ADGRL3: variants seen among roughly 807,000 people sequenced by gnomAD.
ADGRL3 encodes the protein adhesion G protein-coupled receptor L3, also known as calcium-independent alpha-latrotoxin receptor 3.
Under a neutral mutation model 153.5 loss-of-function variants are expected in ADGRL3, and 62 were observed. The ratio of observed to expected loss-of-function variants is 0.40; its 90% CI spans 0.33 to 0.50. ADGRL3 has a LOEUF of 0.50. ADGRL3 is among the 20% of genes least tolerant of loss of function. ADGRL3 has a pLI of 0.47. For missense variants in ADGRL3, 1,641 were observed against 1,859.4 expected, an observed-to-expected ratio of 0.88 and a Z score of 2.16; for synonymous variants, 710 against 672.5, an observed-to-expected ratio of 1.06 and a Z score of -0.86.
At chr4:61,981,396 T>C (rs1412617990) in intron 18 of ADGRL3, among the ~76,000 whole-genome samples, 2 of 143,792 alleles carry the variant, frequency 1.4e-5, no homozygotes, top group Non-Finnish European at 3.0e-5. Flanking sequence ...AGCATTTTTA[T>C]TATATGTAAA....
chr4:61,769,187 C>T (rs1580735719), intron 8 of ADGRL3, among the ~76,000 whole-genome samples: 1 of 152,088 alleles, frequency 6.6e-6, no homozygotes, highest in Non-Finnish European at 1.5e-5. Context: ...TGATTAAATA[C>T]CAAGGGAAGG....
intron 2 of ADGRL3, among the ~76,000 whole-genome samples, chr4:61,459,324 T>C (rs2097785835): frequency 1.3e-5 from 2 of 151,464 alleles, no homozygotes; most frequent in Admixed American, 1.3e-4. Flanking sequence ...AATAAACAAA[T>C]AGATTAGAAA....
At chr4:61,718,076 C>T (rs190654444) in intron 6 of ADGRL3, among the ~76,000 whole-genome samples, 1 of 151,664 alleles carries the variant, frequency 6.6e-6, no homozygotes, top group Non-Finnish European at 1.5e-5. Flanking sequence ...AAATACAATA[C>T]AATAAAAATG....
rs1026569254 is a variant in ADGRL3, at chr4:61,213,539, C to CAACAT, written c.-240+11786_-240+11790dup. On this transcript the variant is annotated intron_variant, in intron 1 of 26. Coordinates refer to ENST00000683033, the MANE Select transcript of ADGRL3 (RefSeq NM_001387552.1). ...ACGTAAAGTTAAAAGTGAAATCACT[C>CAACAT]AACATAACATAACATACTGGCATAC... is the stretch of plus-strand genomic sequence containing the variant. Among the ~76,000 whole-genome samples the CAACAT allele has an allele frequency of 5.3e-5, 8 of 152,046 alleles. No homozygotes were observed. In the South Asian group the frequency reaches 1.2e-3, roughly 24 times the overall value.
At chr4:61,414,496 C>T (rs781666329) in intron 2 of ADGRL3, among the ~76,000 whole-genome samples, 2 of 151,900 alleles carry the variant, frequency 1.3e-5, no homozygotes, top group Non-Finnish European at 2.9e-5. Flanking sequence ...TATTCTTCTC[C>T]TCTGGTAAAT....
At chr4:61,632,694 T>C (rs2150045352) in intron 5 of ADGRL3, among the ~76,000 whole-genome samples, 1 of 152,264 alleles carries the variant, frequency 6.6e-6, no homozygotes, top group South Asian at 2.1e-4. Context: ...TTATTTCTCT[T>C]ACTAAGTGTA....
intron 1 of ADGRL3, among the ~76,000 whole-genome samples, chr4:61,360,808 G>C (rs2096271161): frequency 6.6e-6 from 1 of 152,068 alleles, no homozygotes; most frequent in South Asian, 2.1e-4. Flanking sequence ...CTCTCAAATA[G>C]CCTTCCCCTA....
chr4:61,441,794 A>C, intron 2 of ADGRL3, among the ~76,000 whole-genome samples: 1 of 152,174 alleles, frequency 6.6e-6, no homozygotes, highest in Admixed American at 6.5e-5. Context: ...TTGATTGAAT[A>C]TGCTTTCTTT....
intron 4 of ADGRL3, among the ~76,000 whole-genome samples, chr4:61,569,871 A>G (rs1276275479): frequency 1.3e-5 from 2 of 152,166 alleles, no homozygotes; most frequent in African/African-American, 4.8e-5. Context: ...ATAATGTTCA[A>G]CAACCACATA....
chr4:62,010,186 C>T (rs1231402484), intron 21 of ADGRL3, among the ~76,000 whole-genome samples: 3 of 152,004 alleles, frequency 2.0e-5, no homozygotes, highest in Non-Finnish European at 4.4e-5. Context: ...CCGTTTTTTC[C>T]CCAGTGATTG....
chr4:61,596,565 T>C (rs1251676449), intron 5 of ADGRL3, among the ~76,000 whole-genome samples: 1 of 152,234 alleles, frequency 6.6e-6, no homozygotes, highest in Admixed American at 6.5e-5. Context: ...TTGAATACTG[T>C]ATCTGTCTAC....
chr4:61,303,656 G>A (rs74791224), intron 1 of ADGRL3, among the ~76,000 whole-genome samples: 2,922 of 152,142 alleles, frequency 0.019, 86 homozygotes, highest in African/African-American at 0.064. Flanking sequence ...TACATTTCAG[G>A]TGGCATCATT....
At chr4:61,621,805 T>C (rs1355481829) in intron 5 of ADGRL3, among the ~76,000 whole-genome samples, 1 of 152,202 alleles carries the variant, frequency 6.6e-6, no homozygotes, top group Non-Finnish European at 1.5e-5. Flanking sequence ...ATTTTTGCTA[T>C]GAAATTTAAA....
intron 2 of ADGRL3, among the ~76,000 whole-genome samples, chr4:61,446,667 T>C (rs184235901): frequency 1.5e-4 from 23 of 152,288 alleles, no homozygotes; most frequent in Admixed American, 1.5e-3. Flanking sequence ...CATTTGACCT[T>C]AGCAGTTTGT....
chr4:61,700,207 T>C (rs916125486), intron 6 of ADGRL3, among the ~76,000 whole-genome samples: 3 of 152,306 alleles, frequency 2.0e-5, no homozygotes, highest in Middle Eastern at 3.4e-3. Context: ...AATAACACAT[T>C]CTTTCTATAT....
chr4:61,993,914 G>A (rs916118537), intron 19 of ADGRL3, among the ~76,000 whole-genome samples: 1 of 152,060 alleles, frequency 6.6e-6, no homozygotes, highest in African/African-American at 2.4e-5. Context: ...CACAACAAAA[G>A]GGTAACTAAT....
chr4:61,804,717 C>G (rs762356133), intron 8 of ADGRL3, among the ~76,000 whole-genome samples: 1 of 152,064 alleles, frequency 6.6e-6, no homozygotes, highest in Non-Finnish European at 1.5e-5. Context: ...ATGAAGAATG[C>G]CTATTGGCCA....
intron 4 of ADGRL3, among the ~76,000 whole-genome samples, chr4:61,533,104 A>T (rs2152963736): frequency 6.6e-6 from 1 of 152,330 alleles, no homozygotes; most frequent in African/African-American, 2.4e-5. Flanking sequence ...AAGCAAATTG[A>T]CAGGAAAGTT....
At chr4:61,746,261 G>T (rs953086835) in intron 8 of ADGRL3, among the ~76,000 whole-genome samples, 3 of 152,006 alleles carry the variant, frequency 2.0e-5, no homozygotes, top group African/African-American at 7.2e-5. Flanking sequence ...AATAATGGGA[G>T]ACTTTAACAC....
Sources: allele counts gnomAD v4.1 joint callset (sites outside exome capture counted in the v4.1 genomes callset), GRCh38; gene constraint gnomAD v4.1.1; transcripts MANE v1.5; gene names NCBI Gene and HGNC (gene_info 2026-07-23, HGNC 2026-07-21).